NPAS2: variants seen among roughly 807,000 people sequenced by gnomAD.
NPAS2 encodes the protein neuronal PAS domain-containing protein 2.
NPAS2 carries 23 observed loss-of-function variants against 107.5 expected under a neutral mutation model. The ratio of observed to expected loss-of-function variants is 0.21; its 90% CI spans 0.15 to 0.30. The LOEUF is 0.30. Ranked by LOEUF, NPAS2 falls within the 10% of genes least tolerant of loss-of-function variation. The probability of loss-of-function intolerance (pLI) is 1.00; values close to 1 mark genes in which losing one functional copy is unlikely to be tolerated. For missense variants in NPAS2, 756 were observed against 1,043.3 expected, an observed-to-expected ratio of 0.72 and a Z score of 3.79; for synonymous variants, 403 against 417.5, an observed-to-expected ratio of 0.97 and a Z score of 0.42.
chr2:100,850,366 G>A (rs1052415971), intron 1 of NPAS2, among the ~76,000 whole-genome samples: 1 of 152,144 alleles, frequency 6.6e-6, no homozygotes, highest in Non-Finnish European at 1.5e-5. Flanking sequence ...GCCTCCAAAG[G>A]TTGGGATCCT....
Position 100,914,757 on chromosome 2 carries a change from G to A in NPAS2, c.32+9971G>A, listed in dbSNP as rs1558867943. Among the ~76,000 whole-genome samples, 5 of 152,280 alleles carry A rather than the reference G, an allele frequency of 3.3e-5. No individual in the cohort carries two copies. In the East Asian group the frequency reaches 7.7e-4, roughly 24 times the overall value. On this transcript the variant is annotated intron_variant, in intron 2 of 20. Transcript: ENST00000335681. ...AAAATATATGAAAAGATATATGAGA[G>A]TTTTGGATCTTGGTAAGATGGAGTT...
chr2:100,833,964 G>A (rs1429178942), intron 1 of NPAS2, among the ~76,000 whole-genome samples: 1 of 152,060 alleles, frequency 6.6e-6, no homozygotes, highest in Non-Finnish European at 1.5e-5. Flanking sequence ...TCCCAATTCT[G>A]GTTAATAAGC....
At chr2:100,878,245 T>A (rs1045318533) in intron 1 of NPAS2, 1 of 985,154 alleles carries the variant, frequency 1.0e-6, no homozygotes, top group African/African-American at 1.7e-5. Flanking sequence ...CAAAAAAATA[T>A]AGAGGACTGT....
chr2:100,990,201 A>G, intron 17 of NPAS2, 55 bp from the exon 18 acceptor site: 1 of 1,547,240 alleles, frequency 6.5e-7, no homozygotes, highest in Non-Finnish European at 8.9e-7. Flanking sequence ...TTTCCTGGAG[A>G]GATGGCCCAG....
chr2:100,964,440 C>T (rs1676095632), intron 8 of NPAS2, among the ~76,000 whole-genome samples: 1 of 152,238 alleles, frequency 6.6e-6, no homozygotes, highest in Non-Finnish European at 1.5e-5. Context: ...TCCCACCTTT[C>T]ACACCGGCGT....
At chr2:100,823,266 G>A (rs907528491) in intron 1 of NPAS2, among the ~76,000 whole-genome samples, 1 of 152,140 alleles carries the variant, frequency 6.6e-6, no homozygotes, top group African/African-American at 2.4e-5. Flanking sequence ...TTTAAAGGGG[G>A]AGTTTTTAAT....
intron 1 of NPAS2, among the ~76,000 whole-genome samples, chr2:100,827,736 C>A (rs1046256070): frequency 3.3e-5 from 5 of 152,156 alleles, no homozygotes; most frequent in Admixed American, 1.3e-4. Flanking sequence ...TTTATGGCTG[C>A]ATAGTATTCC....
At chr2:100,844,870 G>A (rs1232347849) in intron 1 of NPAS2, among the ~76,000 whole-genome samples, 1 of 152,150 alleles carries the variant, frequency 6.6e-6, no homozygotes, top group Non-Finnish European at 1.5e-5. Context: ...GAGAGTCAAG[G>A]GTGAGGAAGG....
intron 1 of NPAS2, among the ~76,000 whole-genome samples, chr2:100,831,565 C>T (rs1193686158): frequency 6.6e-6 from 1 of 152,070 alleles, no homozygotes; most frequent in African/African-American, 2.4e-5. Flanking sequence ...CATCTAATGA[C>T]CAAAAGCAGA....
At chr2:100,992,877 G>A (rs1431437476) in intron 19 of NPAS2, among the ~76,000 whole-genome samples, 1 of 148,180 alleles carries the variant, frequency 6.7e-6, no homozygotes, top group Non-Finnish European at 1.5e-5. Context: ...TCTGTGGGCT[G>A]CCTTTTCCCT....
chr2:100,991,901 G>A (rs1384656972), intron 19 of NPAS2, among the ~76,000 whole-genome samples: 2 of 152,224 alleles, frequency 1.3e-5, no homozygotes, highest in Admixed American at 1.3e-4. Context: ...AGTCCACCTT[G>A]TTGGCCCTGT....
intron 2 of NPAS2, among the ~76,000 whole-genome samples, chr2:100,907,794 C>T (rs1330195319): frequency 2.0e-5 from 3 of 152,218 alleles, no homozygotes; most frequent in Non-Finnish European, 4.4e-5. Flanking sequence ...CACTTTCTTC[C>T]GTGAATTTCC....
intron 1 of NPAS2, among the ~76,000 whole-genome samples, chr2:100,841,374 G>A (rs921935576): frequency 1.1e-4 from 16 of 152,204 alleles, no homozygotes; most frequent in Admixed American, 8.5e-4. Flanking sequence ...CCGGGGGGTG[G>A]AGGTTGCAGT....
At chr2:100,977,935 C>T in intron 15 of NPAS2, 136 bp downstream of exon 15, 1 of 712,810 alleles carries the variant, frequency 1.4e-6, no homozygotes, top group Non-Finnish European at 2.4e-6. Context: ...TGTGTGTGGC[C>T]TGTGTCGAGC....
intron 19 of NPAS2, among the ~76,000 whole-genome samples, chr2:100,992,487 TC>T (rs1298127018): frequency 6.6e-6 from 1 of 151,868 alleles, no homozygotes; most frequent in Non-Finnish European, 1.5e-5. Context: ...GGTGGGGACT[TC>T]CCCCTTGCTA....
At chr2:100,949,530 C>A in intron 7 of NPAS2, 50 bp downstream of exon 7, 1 of 1,068,358 alleles carries the variant, frequency 9.4e-7, no homozygotes, top group Non-Finnish European at 1.5e-6. Context: ...CTCATGCAAA[C>A]GTGCACATGG....
At chr2:100,935,952 T>C (rs547750282) in intron 4 of NPAS2, among the ~76,000 whole-genome samples, 1 of 152,288 alleles carries the variant, frequency 6.6e-6, no homozygotes, top group South Asian at 2.1e-4. Context: ...TATTACAGGA[T>C]GTTTGGCAGC....
intron 7 of NPAS2, among the ~76,000 whole-genome samples, chr2:100,954,877 G>GTTTTTTT (rs59048263): frequency 6.8e-6 from 1 of 146,752 alleles, no homozygotes; most frequent in African/African-American, 2.6e-5. Context: ...TGTTTTTTTT[G>GTTTTTTT]TTTTTTTTTG....
chr2:100,926,848 C>T (rs1373360773), intron 3 of NPAS2, among the ~76,000 whole-genome samples: 3 of 151,750 alleles, frequency 2.0e-5, no homozygotes, highest in Non-Finnish European at 4.4e-5. Flanking sequence ...TTGAGGCATT[C>T]TATCTAAGAA....
Sources: allele counts gnomAD v4.1 joint callset (sites outside exome capture counted in the v4.1 genomes callset), GRCh38; gene constraint gnomAD v4.1.1; transcripts MANE v1.5; gene names NCBI Gene and HGNC (gene_info 2026-07-23, HGNC 2026-07-21).